Variants in SPTY2D1 observed in about 807,000 individuals in gnomAD.
The protein encoded by SPTY2D1 is protein SPT2 homolog.
A neutral mutation model predicts 64.0 loss-of-function variants in SPTY2D1; 21 were observed. The observed-to-expected ratio is 0.33, with a 90% CI of 0.23 to 0.47. SPTY2D1 has a LOEUF of 0.47. SPTY2D1 is among the 20% of genes least tolerant of loss of function. The pLI is 1.00. For synonymous variants in SPTY2D1, 287 were observed against 286.8 expected, an observed-to-expected ratio of 1.00 and a Z score of -0.01; for missense variants, 724 against 837.2, an observed-to-expected ratio of 0.86 and a Z score of 1.67.
chr11:18,622,101 A>AAACAAAAAAAAC (rs1554988499), intron 1 of SPTY2D1, among the ~76,000 whole-genome samples: 2 of 81,282 alleles, frequency 2.5e-5, no homozygotes, highest in East Asian at 4.2e-4. Flanking sequence ...AAAAAAAAAA[A>AAACAAAAAAAAC]AAACCAAAAC....
chr11:18,625,817 C>CTT (rs779130410), intron 1 of SPTY2D1, among the ~76,000 whole-genome samples: 25 of 118,914 alleles, frequency 2.1e-4, no homozygotes, highest in East Asian at 6.6e-4. Context: ...CCAACACTTT[C>CTT]TTTTTTTTTT....
chr11:18,626,944 C>G (rs1854507934), intron 1 of SPTY2D1, among the ~76,000 whole-genome samples: 1 of 152,188 alleles, frequency 6.6e-6, no homozygotes, highest in Non-Finnish European at 1.5e-5. Flanking sequence ...GACAAGTCAT[C>G]TTCAGATCTG....
intron 1 of SPTY2D1, among the ~76,000 whole-genome samples, chr11:18,624,180 C>A (rs1854460565): frequency 6.7e-6 from 1 of 149,708 alleles, no homozygotes; most frequent in South Asian, 2.1e-4. Flanking sequence ...AGAGGGGCAG[C>A]CCAGTGGAGA....
intron 2 of SPTY2D1, 97 bp downstream of exon 2, chr11:18,616,778 G>A (rs1301629496): frequency 2.2e-5 from 24 of 1,086,362 alleles, no homozygotes; most frequent in East Asian, 9.7e-5. Context: ...CAAATCTGTT[G>A]GCCTGTTATG....
intron 1 of SPTY2D1, among the ~76,000 whole-genome samples, chr11:18,626,966 GGA>G (rs1353416587): frequency 2.0e-5 from 3 of 152,106 alleles, no homozygotes; most frequent in African/African-American, 4.8e-5. Context: ...GAAAGAAAAT[GGA>G]GAGTCTATTT....
At chr11:18,617,019 C>G in intron 1 of SPTY2D1, 30 bp from the exon 2 acceptor site, 1 of 1,585,080 alleles carries the variant, frequency 6.3e-7, no homozygotes, top group African/African-American at 1.3e-5. Flanking sequence ...AAGTTAGAAG[C>G]AATTCAACTT....
intron 1 of SPTY2D1, among the ~76,000 whole-genome samples, chr11:18,625,201 ACAT>A (rs1854476267): frequency 6.6e-6 from 1 of 152,232 alleles, no homozygotes; most frequent in Non-Finnish European, 1.5e-5. Flanking sequence ...TTTTCTCAGA[ACAT>A]CAGAGTCAGA....
In SPTY2D1 at chr11:18,614,476, G is replaced by A. The variant is rs906087761; in HGVS notation, c.1711+87C>T. 3 of 1,249,268 alleles carry A rather than the reference G, an allele frequency of 2.4e-6. No homozygotes were observed. The Admixed American group carries it at 6.4e-5, about 27-fold the overall frequency. 77.4% of individuals were successfully genotyped at this position (1,249,268 alleles called of 1,614,324 possible). ...AGCACATTAAAGGACAGCACATGAG[G>A]GGTTCAAAGGGTCCCTGATAATATA... On this transcript the variant is annotated intron_variant, in intron 3 of 5. Transcript: ENST00000336349.
rs1468452944 is a variant in SPTY2D1, at chr11:18,612,233, T to C, written c.1886+81A>G. On this transcript the variant is annotated intron_variant, in intron 4 of 5. Coordinates refer to ENST00000336349, the MANE Select transcript of SPTY2D1 (RefSeq NM_194285.3). This position sits in a 1 kb window ranked among gnomAD's most constrained non-coding sequence, Gnocchi z 4.6. ...TAAGAATTGTATTCAGTGCCTCCAC[T>C]ATTAGTTTATTACCCCATGACATGA... is the stretch of plus-strand genomic sequence containing the variant. 8.5e-7 allele frequency: 1 copy of C among 1,170,124 alleles called. No homozygotes were observed. Among genetic ancestry groups the C allele is most frequent in the Non-Finnish European group, 1.2e-6 (1 of 845,756 alleles). The allele number at this position is 1,170,124 out of a possible 1,614,324, so 72.5% of individuals were successfully genotyped here.
intron 1 of SPTY2D1, among the ~76,000 whole-genome samples, chr11:18,625,733 ATTTTTGTAT>A (rs1225876567): frequency 1.0e-5 from 1 of 100,284 alleles, no homozygotes; most frequent in African/African-American, 3.6e-5. Flanking sequence ...GCTATTAATA[ATTTTTGTAT>A]TTTTTGTAGA....
intron 1 of SPTY2D1, among the ~76,000 whole-genome samples, chr11:18,626,392 A>G (rs547026972): frequency 2.7e-5 from 4 of 150,904 alleles, no homozygotes; most frequent in South Asian, 4.2e-4. Context: ...ACTCTACTGT[A>G]TACTAAGAAT....
chr11:18,606,741 G>T lies in SPTY2D1; in HGVS notation c.*3120C>A. 1 of 398,816 alleles carries T rather than the reference G, an allele frequency of 2.5e-6. No homozygotes were observed. Among genetic ancestry groups the T allele is most frequent in the Non-Finnish European group, 4.8e-6 (1 of 209,186 alleles). The allele number at this position is 398,816 out of a possible 1,614,324, so 24.7% of individuals were successfully genotyped here. A position where few individuals can be genotyped will look rare whatever the true frequency, so the allele number is the denominator to read the frequency against. The stretch of plus-strand genomic sequence containing the variant: ...TTTATTCTCTTTCCAAACATGTTTT[G>T]GTCTCCTGCTATATCTCAGAAATTT... On this transcript the variant is annotated 3_prime_UTR_variant, in exon 6 of 6. Coordinates refer to ENST00000336349, the MANE Select transcript of SPTY2D1 (RefSeq NM_194285.3).
At chr11:18,610,436 C>A (rs58838170) in intron 5 of SPTY2D1, among the ~76,000 whole-genome samples, 1 of 151,770 alleles carries the variant, frequency 6.6e-6, no homozygotes, top group Non-Finnish European at 1.5e-5. Flanking sequence ...CCGAGCCAGG[C>A]GGATCACCTG....
chr11:18,626,253 ATCC>A (rs1200795893), intron 1 of SPTY2D1, among the ~76,000 whole-genome samples: 1 of 152,142 alleles, frequency 6.6e-6, no homozygotes, highest in Non-Finnish European at 1.5e-5. Context: ...CTTCTATCTT[ATCC>A]TCCCTCACCT....
Position 18,612,548 on chromosome 11 carries a change from G to A in SPTY2D1, c.1712-60C>T. On this transcript the variant is annotated intron_variant, in intron 3 of 5. Transcript: ENST00000336349. The surrounding 1 kb of genome is among the most constrained non-coding windows in gnomAD (Gnocchi z 4.6). ...TAAAATAGTTCCAATGCAGTTCTAT[G>A]TAAACTGAAATTGTGAGTCATCATT... 7.1e-7 allele frequency: 1 copy of A among 1,417,618 alleles called. No homozygotes were observed. Among genetic ancestry groups the A allele is most frequent in the South Asian group, 1.5e-5 (1 of 65,226 alleles). 87.8% of individuals were successfully genotyped at this position (1,417,618 alleles called of 1,614,324 possible). A position where few individuals can be genotyped will look rare whatever the true frequency, so the allele number is the denominator to read the frequency against.
chr11:18,613,400 G>A (rs1051876641), intron 3 of SPTY2D1, among the ~76,000 whole-genome samples: 2 of 152,112 alleles, frequency 1.3e-5, no homozygotes, highest in African/African-American at 2.4e-5. Context: ...GTTCTTCTAC[G>A]GTTGTTTTTA....
intron 1 of SPTY2D1, among the ~76,000 whole-genome samples, chr11:18,631,727 C>T (rs755810822): frequency 5.3e-5 from 8 of 151,148 alleles, no homozygotes; most frequent in Non-Finnish European, 7.4e-5. Flanking sequence ...ATGCTAAATA[C>T]GGGGTTTGGG....
chr11:18,634,339 A>AGGTCATTTTCTAATAAGGGTAAATGCTG lies in SPTY2D1; in HGVS notation c.-83_-82insCAGCATTTACCCTTATTAGAAAATGACC. ...CTAACCGAGGCGCCCAGCTACAGCC[A>AGGTCATTTTCTAATAAGGGTAAATGCTG]ACTGCACTGCCTCGGGAGCCCCACT... On this transcript the variant is annotated 5_prime_UTR_variant, in exon 1 of 6. It adds an upstream start codon to the 5' untranslated region. Coordinates refer to ENST00000336349, the MANE Select transcript of SPTY2D1 (RefSeq NM_194285.3). The AGGTCATTTTCTAATAAGGGTAAATGCTG allele has an allele frequency of 6.8e-7, 1 of 1,477,514 alleles. No individual in the cohort carries two copies. Among genetic ancestry groups the AGGTCATTTTCTAATAAGGGTAAATGCTG allele is most frequent in the Non-Finnish European group, 9.4e-7 (1 of 1,061,716 alleles). The allele number at this position is 1,477,514 out of a possible 1,614,324, so 91.5% of individuals were successfully genotyped here.
intron 3 of SPTY2D1, among the ~76,000 whole-genome samples, chr11:18,614,180 T>C (rs1854249424): frequency 1.3e-5 from 2 of 152,172 alleles, no homozygotes; most frequent in African/African-American, 4.8e-5. Context: ...TCCCAGTATT[T>C]TGGGAAGCTG....
Sources: gnomAD v4.1 joint callset for allele counts (sites outside exome capture counted in the v4.1 genomes callset) on GRCh38, gnomAD v4.1.1 for gene constraint, Gnocchi (gnomAD v3.1) non-coding constraint, MANE v1.5 for transcripts, NCBI Gene and HGNC (gene_info 2026-07-23, HGNC 2026-07-21) for gene names.